ST18: variants seen among roughly 807,000 people sequenced by gnomAD.
The protein encoded by ST18 is suppression of tumorigenicity 18 protein.
A neutral mutation model predicts 110.0 loss-of-function variants in ST18; 50 were observed. The observed-to-expected ratio is 0.45, with a 90% CI of 0.36 to 0.58. ST18 has a LOEUF of 0.58. Among genes scored for constraint, ST18 ranks in the 20% least tolerant of loss-of-function variants. ST18 has a pLI of 0.00. For synonymous variants in ST18, 461 were observed against 452.4 expected, an observed-to-expected ratio of 1.02 and a Z score of -0.24; for missense variants, 1,306 against 1,280.1, an observed-to-expected ratio of 1.02 and a Z score of -0.31.
Position 52,111,023 on chromosome 8 carries a change from T to C in ST18, c.*2175A>G. The C allele has an allele frequency of 5.0e-6, 2 of 398,766 alleles. No individual in the cohort carries two copies. Among genetic ancestry groups the C allele is most frequent in the Admixed American group, 4.4e-5 (1 of 22,716 alleles). 24.7% of individuals were successfully genotyped at this position (398,766 alleles called of 1,614,324 possible). A position where few individuals can be genotyped will look rare whatever the true frequency, so the allele number is the denominator to read the frequency against. ...AAGACCCAATTTACAGTATTGATCATTAACATAGTTGAAAAGAAAACAAAT... is the reference window on the plus strand; with the variant it reads ...AAGACCCAATTTACAGTATTGATCACTAACATAGTTGAAAAGAAAACAAAT... On this transcript the variant is annotated 3_prime_UTR_variant, in exon 26 of 26. Coordinates refer to ENST00000689386, the MANE Select transcript of ST18 (RefSeq NM_001352837.2).
At chr8:52,323,316 T>G (rs1804843836) in intron 2 of ST18, among the ~76,000 whole-genome samples, 1 of 152,238 alleles carries the variant, frequency 6.6e-6, no homozygotes, top group African/African-American at 2.4e-5. Flanking sequence ...GAAATACATG[T>G]GACACCATCA....
intron 2 of ST18, among the ~76,000 whole-genome samples, chr8:52,352,134 G>A (rs1464676779): frequency 6.6e-6 from 1 of 152,142 alleles, no homozygotes; most frequent in East Asian, 1.9e-4. Context: ...GCCAAACAGA[G>A]CACCTGCCCC....
intron 2 of ST18, among the ~76,000 whole-genome samples, chr8:52,302,582 A>G (rs2095744327): frequency 6.6e-6 from 1 of 152,196 alleles, no homozygotes; most frequent in Non-Finnish European, 1.5e-5. Context: ...TCCTCAGAGA[A>G]ATGGCTGAAT....
chr8:52,298,283 A>T (rs1358135934), intron 2 of ST18, among the ~76,000 whole-genome samples: 1 of 152,212 alleles, frequency 6.6e-6, no homozygotes, highest in African/African-American at 2.4e-5. Flanking sequence ...AGGAACTGGG[A>T]TTGGTGGGCA....
At chr8:52,156,217 C>A (rs1325285443) in intron 15 of ST18, among the ~76,000 whole-genome samples, 1 of 152,166 alleles carries the variant, frequency 6.6e-6, no homozygotes, top group Non-Finnish European at 1.5e-5. Context: ...CTATGACTGA[C>A]CCTAACCTGT....
chr8:52,371,935 T>G (rs1830415042), intron 2 of ST18, among the ~76,000 whole-genome samples: 2 of 152,240 alleles, frequency 1.3e-5, no homozygotes, highest in Non-Finnish European at 2.9e-5. Flanking sequence ...CTTTATGTAT[T>G]TACTATACTA....
Position 52,359,728 on chromosome 8 carries a change from A to G in ST18, c.-465+49600T>C, listed in dbSNP as rs571538159. ...CACAGACTATGTTCATAACTATTAT[A>G]CTATATAATGTCACAGCTCTGAGGA... On this transcript the variant is annotated intron_variant, in intron 2 of 25. Coordinates refer to ENST00000689386, the MANE Select transcript of ST18 (RefSeq NM_001352837.2). Among the ~76,000 whole-genome samples, 55 of 152,296 alleles carry G rather than the reference A, an allele frequency of 3.6e-4. No homozygotes were observed. The South Asian group carries it at 0.01, about 29-fold the overall frequency.
chr8:52,131,810 A>G (rs537947266), intron 22 of ST18, 148 bp downstream of exon 22: 1 of 616,958 alleles, frequency 1.6e-6, no homozygotes. Flanking sequence ...ATGCTCATCC[A>G]GTATCTATAC....
At chr8:52,307,782 A>G (rs1372115028) in intron 2 of ST18, among the ~76,000 whole-genome samples, 1 of 152,160 alleles carries the variant, frequency 6.6e-6, no homozygotes, top group African/African-American at 2.4e-5. Flanking sequence ...AGCCTAAGCA[A>G]CCCCTTGTTG....
At chr8:52,140,572 GATAGAT>G (rs1563642410) in intron 17 of ST18, among the ~76,000 whole-genome samples, 1 of 151,856 alleles carries the variant, frequency 6.6e-6, no homozygotes, top group Non-Finnish European at 1.5e-5. Context: ...TAGATAGATA[GATAGAT>G]AGATAGATAG....
chr8:52,365,680 G>A (rs534214968), intron 2 of ST18, among the ~76,000 whole-genome samples: 1 of 151,852 alleles, frequency 6.6e-6, no homozygotes, highest in South Asian at 2.1e-4. Context: ...TCAAGTGCCA[G>A]GCACAATTTT....
At chr8:52,276,783 T>TTTTA (rs2095274988) in intron 2 of ST18, among the ~76,000 whole-genome samples, 1 of 151,104 alleles carries the variant, frequency 6.6e-6, no homozygotes, top group African/African-American at 2.4e-5. Context: ...TTTTTTTTTT[T>TTTTA]GAGACAGAGT....
chr8:52,308,888 G>T (rs2095855978), intron 2 of ST18, among the ~76,000 whole-genome samples: 1 of 152,190 alleles, frequency 6.6e-6, no homozygotes. Context: ...CAAAGCCAAG[G>T]CTATAACTAA....
chr8:52,390,570 C>T (rs542177219), intron 2 of ST18, among the ~76,000 whole-genome samples: 1 of 152,194 alleles, frequency 6.6e-6, no homozygotes, highest in East Asian at 1.9e-4. Context: ...GGTGAATGTC[C>T]CCATCCCCTT....
chr8:52,213,261 A>G (rs1257280738), intron 7 of ST18, among the ~76,000 whole-genome samples: 1 of 152,188 alleles, frequency 6.6e-6, no homozygotes, highest in Non-Finnish European at 1.5e-5. Context: ...TTTTCCTTGA[A>G]TTTATTAAAA....
intron 2 of ST18, among the ~76,000 whole-genome samples, chr8:52,256,696 C>T (rs2094539221): frequency 6.6e-6 from 1 of 152,168 alleles, no homozygotes; most frequent in African/African-American, 2.4e-5. Flanking sequence ...GCTGACAGTT[C>T]AGTCATCTGG....
intron 19 of ST18, among the ~76,000 whole-genome samples, chr8:52,136,002 T>A (rs1288507930): frequency 6.6e-6 from 1 of 152,218 alleles, no homozygotes; most frequent in Non-Finnish European, 1.5e-5. Flanking sequence ...AGGTAGACTA[T>A]AAATGTTTAT....
intron 2 of ST18, among the ~76,000 whole-genome samples, chr8:52,387,785 T>G (rs1837440277): frequency 1.3e-5 from 2 of 152,100 alleles, no homozygotes; most frequent in Admixed American, 6.5e-5. Context: ...GCCTAAGATA[T>G]TTTGCAAAAT....
Position 52,137,411 on chromosome 8 carries a change from C to T in ST18, c.2231+10G>A, listed in dbSNP as rs2052906660. 4.3e-6 allele frequency: 7 copies of T among 1,614,006 alleles called. No homozygotes were observed. Among genetic ancestry groups the T allele is most frequent in the Non-Finnish European group, 5.9e-6 (7 of 1,179,954 alleles). On this transcript the variant is annotated intron_variant, in intron 18 of 25. Coordinates refer to ENST00000689386, the MANE Select transcript of ST18 (RefSeq NM_001352837.2). Reference sequence around the variant, plus strand: ...ATGAAAATCTGACTGCACATGAGGTCATTGGGTACCTGCGATGAGATGCAT... The same window carrying T: ...ATGAAAATCTGACTGCACATGAGGTTATTGGGTACCTGCGATGAGATGCAT...
Sources: allele counts gnomAD v4.1 joint callset (sites outside exome capture counted in the v4.1 genomes callset), GRCh38; gene constraint gnomAD v4.1.1; transcripts MANE v1.5; gene names NCBI Gene and HGNC (gene_info 2026-07-23, HGNC 2026-07-21).